The following LYZL6 variants were observed in gnomAD, a reference collection of about 807,000 sequenced individuals.
LYZL6 encodes lysozyme like 6.
LYZL6 carries 21 observed loss-of-function variants against 15.0 expected under a neutral mutation model. The ratio of observed to expected loss-of-function variants is 1.40; its 90% CI spans 1.00 to 2.02. The LOEUF (loss-of-function observed/expected upper bound fraction) is 2.02. Among genes scored for constraint, LYZL6 ranks in the 30% most tolerant of loss-of-function variants. LYZL6 has a pLI of 0.00. For missense variants in LYZL6, 173 were observed against 180.5 expected, an observed-to-expected ratio of 0.96 and a Z score of 0.24; for synonymous variants, 72 against 67.8, an observed-to-expected ratio of 1.06 and a Z score of -0.31.
intron 1 of LYZL6, among the ~76,000 whole-genome samples, chr17:35,942,729 C>T (rs2089433057): frequency 6.6e-6 from 1 of 152,140 alleles, no homozygotes; most frequent in African/African-American, 2.4e-5. Context: ...CCTGGGTAAT[C>T]ACCAAACTTC....
intron 1 of LYZL6, among the ~76,000 whole-genome samples, chr17:35,941,995 A>T (rs1351440711): frequency 6.6e-6 from 1 of 152,268 alleles, no homozygotes; most frequent in African/African-American, 2.4e-5. Flanking sequence ...AAAGACGGAC[A>T]GAGGGACATT....
intron 1 of LYZL6, among the ~76,000 whole-genome samples, chr17:35,941,867 A>G (rs191959922): frequency 1.2e-4 from 18 of 152,334 alleles, no homozygotes; most frequent in Admixed American, 4.6e-4. Context: ...TGGATATATC[A>G]TGATCTTATA....
chr17:35,942,632 A>C (rs1192787073), intron 1 of LYZL6, among the ~76,000 whole-genome samples: 1 of 152,202 alleles, frequency 6.6e-6, no homozygotes, highest in African/African-American at 2.4e-5. Context: ...GTTCAAGGAA[A>C]TCACTTTTCT....
chr17:35,940,418 A>G (rs1354197717), intron 1 of LYZL6, among the ~76,000 whole-genome samples: 1 of 152,166 alleles, frequency 6.6e-6, no homozygotes, highest in East Asian at 1.9e-4. Flanking sequence ...TGCTCGAAAT[A>G]TGTATTGGGG....
rs2089389900 is a variant in LYZL6 at position 35,937,885 on chromosome 17, G to A, written c.171C>T (p.Phe57=). The A allele has an allele frequency of 6.2e-7, 1 of 1,613,924 alleles. No individual in the cohort carries two copies. The highest frequency in any genetic ancestry group is 1.7e-5 in the Admixed American group (1 of 60,006). ...WLCLAFVESK[F]NISKINENAD... ...CATTTTCATTTATCTTTGATATGTTGAACTTGCTTTCCACAAAAGCCAGGC... is the reference window on the plus strand; with the variant it reads ...CATTTTCATTTATCTTTGATATGTTAAACTTGCTTTCCACAAAAGCCAGGC... The change falls in exon 3 of 5, where the codon TTC becomes TTT. Residue 57 remains phenylalanine, a synonymous_variant. Coordinates refer to ENST00000615905, the MANE Select transcript of LYZL6 (RefSeq NM_020426.4).
intron 1 of LYZL6, among the ~76,000 whole-genome samples, chr17:35,942,885 C>G (rs2141970382): frequency 6.6e-6 from 1 of 152,278 alleles, no homozygotes; most frequent in Middle Eastern, 3.4e-3. Flanking sequence ...CACAGAAACT[C>G]TCGCTCCCAG....
At chr17:35,936,165 G>A (rs2089371174) in intron 4 of LYZL6, among the ~76,000 whole-genome samples, 1 of 152,134 alleles carries the variant, frequency 6.6e-6, no homozygotes, top group Non-Finnish European at 1.5e-5. Flanking sequence ...GGGCCCGAGC[G>A]GCAGCCATAA....
chr17:35,942,681 C>G (rs1417903442), intron 1 of LYZL6, among the ~76,000 whole-genome samples: 1 of 152,146 alleles, frequency 6.6e-6, no homozygotes, highest in Admixed American at 6.5e-5. Context: ...AGGGTAAAAA[C>G]AGATAAGAGC....
chr17:35,939,913 CAT>C (rs2089411991), intron 1 of LYZL6, among the ~76,000 whole-genome samples: 1 of 152,156 alleles, frequency 6.6e-6, no homozygotes, highest in African/African-American at 2.4e-5. Context: ...TCTTCACCAG[CAT>C]ATGTGTGTGT....
In LYZL6 at chr17:35,934,708, A is replaced by G; in HGVS notation, c.*88T>C. 8.2e-7 allele frequency: 1 copy of G among 1,214,686 alleles called. No homozygotes were observed. The highest frequency in any genetic ancestry group is 1.2e-6 in the Non-Finnish European group (1 of 833,474). The allele number at this position is 1,214,686 out of a possible 1,614,324, so 75.2% of individuals were successfully genotyped here. A position where few individuals can be genotyped will look rare whatever the true frequency, so the allele number is the denominator to read the frequency against. On this transcript the variant is annotated 3_prime_UTR_variant, in exon 5 of 5. Transcript: ENST00000615905. ...AATGGGAAGGGAAGAAAATAACATG[A>G]AGTGGAGGCAGTAGGAAGAAGAAAT...
At chr17:35,942,471 A>C in intron 1 of LYZL6, among the ~76,000 whole-genome samples, 1 of 151,940 alleles carries the variant, frequency 6.6e-6, no homozygotes, top group Non-Finnish European at 1.5e-5. Flanking sequence ...CAAGATGGCT[A>C]CCCTGGTGGG....
chr17:35,938,347 CGGT>C (rs2089395185), intron 2 of LYZL6, among the ~76,000 whole-genome samples: 1 of 152,046 alleles, frequency 6.6e-6, no homozygotes, highest in African/African-American at 2.4e-5. Context: ...ATGCCGGGCG[CGGT>C]GGCTTATGCC....
At position 35,936,776 on chromosome 17, in the gene LYZL6, C is replaced by G. The variant is rs2089376980; in HGVS notation, c.356G>C (p.Gly119Ala). The G allele has an allele frequency of 6.2e-7, 1 of 1,613,814 alleles. No homozygotes were observed. Among genetic ancestry groups the G allele is most frequent in the Non-Finnish European group, 8.5e-7 (1 of 1,180,016 alleles). ...GIHCAKRIVS[G>A]ARGMNNWVEW... ...TCACCAGTTGTTCATCCCCCGTGCTCCGGACACAATCCTTTTTGCGCAGTG... is the reference window on the plus strand; with the variant it reads ...TCACCAGTTGTTCATCCCCCGTGCTGCGGACACAATCCTTTTTGCGCAGTG... The change falls in exon 4 of 5, where the codon GGA becomes GCA. Residue 119 changes from glycine to alanine, a missense_variant. By Grantham distance (60) the Gly-to-Ala change is moderately conservative. Transcript: ENST00000615905.
intron 4 of LYZL6, among the ~76,000 whole-genome samples, chr17:35,936,492 G>A (rs1026211678): frequency 6.6e-6 from 1 of 152,238 alleles, no homozygotes; most frequent in African/African-American, 2.4e-5. Flanking sequence ...CAGCCCTTGA[G>A]TGGGCTCAGT....
intron 1 of LYZL6, among the ~76,000 whole-genome samples, chr17:35,940,639 A>G (rs1007090959): frequency 1.3e-5 from 2 of 152,194 alleles, no homozygotes; most frequent in African/African-American, 4.8e-5. Context: ...AATCCAAAAC[A>G]AAACCCTGCA....
In LYZL6 at chr17:35,934,867, T is replaced by C; in HGVS notation, c.378-2A>G. 1 of 1,614,006 alleles carries C rather than the reference T, an allele frequency of 6.2e-7. No individual in the cohort carries two copies. Among genetic ancestry groups the C allele is most frequent in the South Asian group, 1.1e-5 (1 of 91,056 alleles). ...GAACAGTGCAACCTCCATTCTACCC[T>C]GCGGAGAAAAAAGACATGGTTCTTG... On this transcript the variant is annotated splice_acceptor_variant, in intron 4 of 4. Transcript: ENST00000615905. LOFTEE classifies it high-confidence loss of function.
chr17:35,942,058 C>T (rs1284590231), intron 1 of LYZL6, among the ~76,000 whole-genome samples: 1 of 152,172 alleles, frequency 6.6e-6, no homozygotes, highest in Non-Finnish European at 1.5e-5. Flanking sequence ...TGCAATATTC[C>T]GTCCAGGGAT....
intron 1 of LYZL6, among the ~76,000 whole-genome samples, 191 bp from the exon 2 acceptor site, chr17:35,939,749 C>T (rs2089410632): frequency 6.6e-6 from 1 of 152,130 alleles, no homozygotes; most frequent in Non-Finnish European, 1.5e-5. Context: ...CCTCCCATCT[C>T]AGCCTCCCAA....
chr17:35,940,024 A>C (rs926350158), intron 1 of LYZL6, among the ~76,000 whole-genome samples: 1 of 151,926 alleles, frequency 6.6e-6, no homozygotes, highest in South Asian at 2.1e-4. Flanking sequence ...ATTTTTCCCA[A>C]GGGCATACCC....
Sources: allele counts gnomAD v4.1 joint callset (sites outside exome capture counted in the v4.1 genomes callset), GRCh38; gene constraint gnomAD v4.1.1; transcripts MANE v1.5; gene names NCBI Gene and HGNC (gene_info 2026-07-23, HGNC 2026-07-21).